Variants in MTHFD2L observed in about 807,000 individuals in gnomAD.
The protein encoded by MTHFD2L is methylenetetrahydrofolate dehydrogenase (NADP+ dependent) 2 like.
In MTHFD2L, 29 loss-of-function variants were observed where a neutral mutation model predicts 34.9. The observed-to-expected ratio is 0.83, with a 90% CI of 0.62 to 1.13. The LOEUF is 1.13. Among genes scored for constraint, MTHFD2L ranks in the 50% most tolerant of loss-of-function variants. MTHFD2L has a pLI of 0.00. For missense variants in MTHFD2L, 481 were observed against 446.5 expected, an observed-to-expected ratio of 1.08 and a Z score of -0.70; for synonymous variants, 167 against 155.7, an observed-to-expected ratio of 1.07 and a Z score of -0.54.
chr4:74,261,209 G>A (rs1020880709), intron 6 of MTHFD2L, among the ~76,000 whole-genome samples: 3 of 151,888 alleles, frequency 2.0e-5, no homozygotes, highest in Non-Finnish European at 2.9e-5. Context: ...GTTCTTTGAA[G>A]GTATGATAGT....
At chr4:74,291,801 T>A (rs1468718361) in intron 7 of MTHFD2L, among the ~76,000 whole-genome samples, 1 of 152,226 alleles carries the variant, frequency 6.6e-6, no homozygotes, top group African/African-American at 2.4e-5. Context: ...TTTACAAAAC[T>A]ATTATTAATC....
chr4:74,159,957 GC>G, intron 1 of MTHFD2L: 1 of 712,568 alleles, frequency 1.4e-6, no homozygotes, highest in South Asian at 2.4e-5. Context: ...GGTGAGGTTG[GC>G]CCCAAGGTTG....
chr4:74,248,329 C>A (rs1194050107), intron 6 of MTHFD2L, among the ~76,000 whole-genome samples: 1 of 151,972 alleles, frequency 6.6e-6, no homozygotes, highest in Non-Finnish European at 1.5e-5. Context: ...TGGTGATATC[C>A]CCTGTATCAT....
At chr4:74,290,998 C>CTTTTTTTTTTTTTTTTTTTTTTTTTT (rs1560565979) in intron 7 of MTHFD2L, among the ~76,000 whole-genome samples, 1 of 46,156 alleles carries the variant, frequency 2.2e-5, no homozygotes, top group African/African-American at 6.7e-5. Flanking sequence ...TTTATTTTTC[C>CTTTTTTTTTTTTTTTTTTTTTTTTTT]TTTTCTTTTT....
chr4:74,142,512 A>C (rs1334588023), intron 1 of MTHFD2L, among the ~76,000 whole-genome samples: 3 of 152,172 alleles, frequency 2.0e-5, no homozygotes. Flanking sequence ...TGGCAACCTG[A>C]CTTCAGATTT....
chr4:74,157,971 G>T (rs1173580918), upstream of MTHFD2L: 1 of 1,074,628 alleles, frequency 9.3e-7, no homozygotes, highest in Non-Finnish European at 1.4e-6. Flanking sequence ...TTCCGTCCCC[G>T]GTCCTGGGAA....
intron 1 of MTHFD2L, chr4:74,140,317 T>C (rs566867949): frequency 6.2e-6 from 1 of 162,570 alleles, no homozygotes; most frequent in African/African-American, 2.4e-5. Flanking sequence ...AAGAGAAAAA[T>C]ATAAAAGATA....
chr4:74,197,235 AAATT>A (rs1164410790), intron 3 of MTHFD2L, among the ~76,000 whole-genome samples: 1 of 152,224 alleles, frequency 6.6e-6, no homozygotes, highest in Non-Finnish European at 1.5e-5. Flanking sequence ...TGCTGTGAGA[AAATT>A]GATGCTATTA....
At chr4:74,250,560 A>G (rs1743165771) in intron 6 of MTHFD2L, among the ~76,000 whole-genome samples, 1 of 152,192 alleles carries the variant, frequency 6.6e-6, no homozygotes, top group Non-Finnish European at 1.5e-5. Flanking sequence ...TTCTATTGAA[A>G]TATTGGAAAT....
At chr4:74,264,999 A>G (rs1428635621) in intron 6 of MTHFD2L, among the ~76,000 whole-genome samples, 3 of 152,360 alleles carry the variant, frequency 2.0e-5, no homozygotes, top group South Asian at 2.1e-4. Context: ...ACACATTTCA[A>G]TTGATGAGTA....
chr4:74,218,830 T>C lies in MTHFD2L; in HGVS notation c.713-6472T>C, dbSNP rs141970392. Among the ~76,000 whole-genome samples, 27 of 152,208 alleles carry C rather than the reference T, an allele frequency of 1.8e-4. No homozygotes were observed. In the East Asian group the frequency reaches 4.8e-3, roughly 27 times the overall value. ...AGATTTTTACACAATAAAAAACATA[T>C]CTTGTCTACCTATTAATTACTGATT... On this transcript the variant is annotated intron_variant, in intron 5 of 7. Coordinates refer to ENST00000325278, the MANE Select transcript of MTHFD2L (RefSeq NM_001144978.3).
chr4:74,197,570 G>T (rs905953063), intron 3 of MTHFD2L, among the ~76,000 whole-genome samples: 1 of 151,994 alleles, frequency 6.6e-6, no homozygotes, highest in Non-Finnish European at 1.5e-5. Flanking sequence ...ATTTTTAATG[G>T]TATTTAAAAT....
chr4:74,264,917 A>G (rs1745102070), intron 6 of MTHFD2L, among the ~76,000 whole-genome samples: 1 of 152,216 alleles, frequency 6.6e-6, no homozygotes, highest in Non-Finnish European at 1.5e-5. Flanking sequence ...AAGGAGTAAT[A>G]AGAAACCTTC....
chr4:74,192,629 T>C (rs1352763453), intron 3 of MTHFD2L, among the ~76,000 whole-genome samples: 4 of 152,152 alleles, frequency 2.6e-5, no homozygotes, highest in African/African-American at 7.2e-5. Flanking sequence ...AGTTTCTTCA[T>C]GCCCCTTCCC....
intron 3 of MTHFD2L, among the ~76,000 whole-genome samples, chr4:74,184,135 A>T (rs940337527): frequency 1.3e-5 from 2 of 152,212 alleles, no homozygotes; most frequent in Non-Finnish European, 1.5e-5. Context: ...ATATTCAGTT[A>T]ATCTAAAGGA....
At chr4:74,249,711 A>G (rs895512593) in intron 6 of MTHFD2L, among the ~76,000 whole-genome samples, 6 of 152,108 alleles carry the variant, frequency 3.9e-5, no homozygotes, top group South Asian at 2.1e-4. Context: ...GCTTGTCTGT[A>G]AAGTATTTTA....
chr4:74,160,088 G>A (rs1031061880), intron 1 of MTHFD2L: 1 of 1,289,444 alleles, frequency 7.8e-7, no homozygotes, highest in African/African-American at 1.5e-5. Context: ...ATCTTCCAGA[G>A]GTTGCCACTG....
At chr4:74,164,877 T>C (rs1231923266) in intron 1 of MTHFD2L, 1 of 708,428 alleles carries the variant, frequency 1.4e-6, no homozygotes, top group Non-Finnish European at 1.7e-6. Flanking sequence ...AGCAGTAGGC[T>C]GGGCTTTTGG....
chr4:74,116,288 A>T (rs1721654270), intron 2 of MTHFD2L, among the ~76,000 whole-genome samples: 1 of 152,212 alleles, frequency 6.6e-6, no homozygotes, highest in Non-Finnish European at 1.5e-5. Context: ...CATTCATAAC[A>T]TAACTGTCAA....
Sources: allele counts gnomAD v4.1 joint callset (sites outside exome capture counted in the v4.1 genomes callset), GRCh38; gene constraint gnomAD v4.1.1; transcripts MANE v1.5; gene names NCBI Gene and HGNC (gene_info 2026-07-23, HGNC 2026-07-21).